PCDH15: variants seen among roughly 807,000 people sequenced by gnomAD.
PCDH15 encodes protocadherin related 15.
A neutral mutation model predicts 178.5 loss-of-function variants in PCDH15; 129 were observed. The observed-to-expected ratio is 0.72, with a 90% CI of 0.63 to 0.84. The LOEUF (loss-of-function observed/expected upper bound fraction) is 0.84, where lower values mean the gene tolerates loss of function less well. Among genes scored for constraint, PCDH15 ranks in the 40% least tolerant of loss-of-function variants. The pLI is 0.00. For synonymous variants in PCDH15, 800 were observed against 732.0 expected (o/e 1.09, Z -1.50); for missense variants, 2,230 against 2,099.9 (o/e 1.06, Z -1.21).
intron 32 of PCDH15, among the ~76,000 whole-genome samples, chr10:53,820,463 TATATTC>T (rs2076219494): frequency 2.0e-5 from 3 of 152,024 alleles, no homozygotes; most frequent in African/African-American, 7.2e-5. Context: ...GCTCTCAACT[TATATTC>T]ATATACTTCC....
At chr10:54,955,695 A>T (rs1040616446) in intron 2 of PCDH15, among the ~76,000 whole-genome samples, 1 of 151,332 alleles carries the variant, frequency 6.6e-6, no homozygotes, top group Non-Finnish European at 1.5e-5. Context: ...TTCATAGGTC[A>T]ATTACCAAAT....
chr10:54,831,676 C>T (rs2133751743), intron 3 of PCDH15, among the ~76,000 whole-genome samples: 1 of 152,142 alleles, frequency 6.6e-6, no homozygotes, highest in East Asian at 1.9e-4. Context: ...ATCTTGAATT[C>T]CACATGCCAA....
Position 53,808,923 on chromosome 10 carries a change from A to T in PCDH15, c.4671+1633T>A, listed in dbSNP as rs886042518. 1.3e-6 allele frequency: 2 copies of T among 1,567,832 alleles called. No individual in the cohort carries two copies. Among genetic ancestry groups the T allele is most frequent in the East Asian group, 4.7e-5 (2 of 42,232 alleles). On this transcript the variant is annotated intron_variant, in intron 37 of 37. Transcript: ENST00000644397. ...GGATATCTTGAGCTTCAGGGTCTGT[A>T]CTTTCTTCCACAGGGGCTGGTCCAC...
chr10:54,707,810 C>A lies in PCDH15; in HGVS notation c.-28-43520G>T, dbSNP rs183965496. On this transcript the variant is annotated intron_variant, in intron 1 of 37. Transcript: ENST00000644397. ...AAAAAAAACCACATGCTGGCTGTTTCATCAAATACATAGAAACCTAAAAGA... is the reference window on the plus strand; with the variant it reads ...AAAAAAAACCACATGCTGGCTGTTTAATCAAATACATAGAAACCTAAAAGA... Among the ~76,000 whole-genome samples, 662 of 152,154 alleles carry A rather than the reference C, an allele frequency of 4.4e-3. 2 individuals carry two copies. The highest frequency in any genetic ancestry group is 0.014 in the African/African-American group (572 of 41,528).
chr10:55,162,539 C>T (rs576093170), intron 2 of PCDH15, among the ~76,000 whole-genome samples: 1 of 152,146 alleles, frequency 6.6e-6, no homozygotes, highest in Non-Finnish European at 1.5e-5. Context: ...CTCTAAATTG[C>T]CCTTAGTCAT....
intron 2 of PCDH15, among the ~76,000 whole-genome samples, chr10:55,477,902 A>G (rs1298293095): frequency 6.6e-6 from 1 of 151,886 alleles, no homozygotes; most frequent in East Asian, 1.9e-4. Context: ...CTGAATAGAT[A>G]AAACACACAA....
intron 1 of PCDH15, among the ~76,000 whole-genome samples, chr10:55,306,422 G>C (rs1045982424): frequency 6.6e-6 from 1 of 152,114 alleles, no homozygotes; most frequent in Non-Finnish European, 1.5e-5. Context: ...TAAAACTAAT[G>C]AGGGGATCTT....
intron 2 of PCDH15, among the ~76,000 whole-genome samples, chr10:55,506,604 T>C (rs763498394): frequency 9.2e-5 from 14 of 151,532 alleles, no homozygotes; most frequent in African/African-American, 1.2e-4. Flanking sequence ...AGAAGAGGTA[T>C]CGAGGAGGAA....
At position 53,959,205 on chromosome 10, in the gene PCDH15, T is replaced by G. The variant is rs182080594; in HGVS notation, c.3122+527A>C. 3.4e-5 allele frequency among the ~76,000 whole-genome samples: 5 copies of G among 149,122 alleles called. No homozygotes were observed. In the East Asian group the frequency reaches 7.8e-4, roughly 23 times the overall value. On this transcript the variant is annotated intron_variant, in intron 23 of 37. Transcript: ENST00000644397. ...TATATATATATACACACAGTATATATATAAATTTATGTATACACACAGTAT... is the reference window on the plus strand; with the variant it reads ...TATATATATATACACACAGTATATAGATAAATTTATGTATACACACAGTAT...
Position 55,452,429 on chromosome 10 carries a change from AGG to A in PCDH15, c.-156+175194_-156+175195del, listed in dbSNP as rs149141281. 1.3e-3 allele frequency among the ~76,000 whole-genome samples: 199 copies of A among 152,284 alleles called. 2 individuals carry two copies. The East Asian group carries it at 0.033, about 25-fold the overall frequency. ...TATTTGTCCCATCCTGAATTCACCTAGGAAGGTTTGCTGTATAATGCTTATGT... is the reference window on the plus strand; with the variant it reads ...TATTTGTCCCATCCTGAATTCACCTAAAGGTTTGCTGTATAATGCTTATGT... On this transcript the variant is annotated intron_variant, in intron 2 of 5. Transcript: ENST00000613346.
At chr10:55,625,683 C>T (rs1837511396) in intron 2 of PCDH15, among the ~76,000 whole-genome samples, 1 of 152,144 alleles carries the variant, frequency 6.6e-6, no homozygotes, top group South Asian at 2.1e-4. Flanking sequence ...AAAGCATTTA[C>T]CAAGCAAAGA....
intron 4 of PCDH15, among the ~76,000 whole-genome samples, chr10:54,372,347 T>C (rs556074906): frequency 6.6e-6 from 1 of 151,884 alleles, no homozygotes; most frequent in South Asian, 2.1e-4. Context: ...ACCCATAAAT[T>C]AGATCTAACC....
upstream of PCDH15, among the ~76,000 whole-genome samples, chr10:54,803,486 A>C (rs57670312): frequency 2.0e-4 from 31 of 152,236 alleles, no homozygotes; most frequent in African/African-American, 7.2e-4. Context: ...AAAGCTTGTG[A>C]GCCTTTGTGC....
chr10:54,935,772 AT>A (rs978437819), intron 2 of PCDH15, among the ~76,000 whole-genome samples: 4 of 151,936 alleles, frequency 2.6e-5, no homozygotes, highest in South Asian at 2.1e-4. Flanking sequence ...TTTTTATACT[AT>A]TTCATTTCAC....
chr10:53,991,757 ATTGTAAATACCCCAATCAGCACT>A (rs2091501382), intron 21 of PCDH15, among the ~76,000 whole-genome samples: 1 of 151,962 alleles, frequency 6.6e-6, no homozygotes, highest in Admixed American at 6.5e-5. Flanking sequence ...TAGCTAGAGG[ATTGTAAATACCCCAATCAGCACT>A]CTGTGTCTAG....
intron 2 of PCDH15, among the ~76,000 whole-genome samples, chr10:55,106,597 A>T (rs377119360): frequency 6.6e-6 from 1 of 151,898 alleles, no homozygotes; most frequent in Non-Finnish European, 1.5e-5. Context: ...TATACTTCTA[A>T]TAGAGACGGG....
intron 27 of PCDH15, among the ~76,000 whole-genome samples, chr10:53,860,339 C>A (rs2079021824): frequency 6.6e-6 from 1 of 152,110 alleles, no homozygotes; most frequent in Admixed American, 6.6e-5. Context: ...TGATGGAGTT[C>A]TGACCAACGT....
chr10:54,924,352 C>T (rs1706758), intron 2 of PCDH15, among the ~76,000 whole-genome samples: 24,216 of 136,922 alleles, frequency 0.18, 5,960 homozygotes, highest in Middle Eastern at 0.29. Flanking sequence ...TACTAATGGG[C>T]ATTTAGGTAG....
intron 18 of PCDH15, among the ~76,000 whole-genome samples, chr10:54,051,948 T>G (rs1565130191): frequency 6.6e-6 from 1 of 152,220 alleles, no homozygotes; most frequent in Non-Finnish European, 1.5e-5. Context: ...AGGTGTTGCT[T>G]CAGAGGGCAC....
Sources: gnomAD v4.1 joint callset for allele counts (sites outside exome capture counted in the v4.1 genomes callset) on GRCh38, gnomAD v4.1.1 for gene constraint, MANE v1.5 for transcripts, NCBI Gene and HGNC (gene_info 2026-07-23, HGNC 2026-07-21) for gene names.